The following CLCNKB variants were observed in gnomAD, a reference collection of about 807,000 sequenced individuals.
CLCNKB encodes the protein chloride voltage-gated channel Kb.
A neutral mutation model predicts 83.8 loss-of-function variants in CLCNKB; 74 were observed. The ratio of observed to expected loss-of-function variants is 0.88; its 90% confidence interval spans 0.73 to 1.07. CLCNKB has a LOEUF of 1.07. CLCNKB is among the 50% of genes least tolerant of loss of function. The pLI is 0.00. For synonymous variants in CLCNKB, 358 were observed against 356.6 expected (o/e 1.00, Z -0.04); for missense variants, 798 against 893.6 (o/e 0.89, Z 1.36).
intron 16 of CLCNKB, among the ~76,000 whole-genome samples, chr1:16,054,312 G>A (rs1444278353): frequency 1.3e-5 from 2 of 152,174 alleles, no homozygotes; most frequent in Non-Finnish European, 2.9e-5. Context: ...GCTGCTGTCA[G>A]CCCATGTGTC....
intron 1 of CLCNKB, 51 bp downstream of exon 1, chr1:16,043,931 G>C: frequency 1.3e-5 from 1 of 79,824 alleles, no homozygotes; most frequent in Non-Finnish European, 3.0e-5. Context: ...GACAGGCAGG[G>C]CGGGGGGGGG....
chr1:16,044,430 C>A, intron 1 of CLCNKB, 56 bp from the exon 2 acceptor site: 1 of 1,413,936 alleles, frequency 7.1e-7, no homozygotes, highest in Non-Finnish European at 9.8e-7. Context: ...GGCCTAGAGG[C>A]AGTGCGAGGA....
chr1:16,053,504 A>G (rs2023354699), intron 15 of CLCNKB, 135 bp from the exon 16 acceptor site: 1 of 1,302,116 alleles, frequency 7.7e-7, no homozygotes, highest in African/African-American at 1.5e-5. Flanking sequence ...CCCTCATTCC[A>G]GGAACCTCTC....
At chr1:16,051,383 C>A (rs1296889766) in intron 12 of CLCNKB, 95 bp from the exon 13 acceptor site, 20 of 1,477,668 alleles carry the variant, frequency 1.4e-5, no homozygotes, top group African/African-American at 4.2e-5. Flanking sequence ...CCCTCTTTCT[C>A]TCTAGGACAC....
At chr1:16,051,901 G>A (rs2023307899) in intron 14 of CLCNKB, 81 bp downstream of exon 14, 1 of 1,231,304 alleles carries the variant, frequency 8.1e-7, no homozygotes, top group Non-Finnish European at 1.2e-6. Context: ...GGTTCCCCAG[G>A]GCACGGAGCA....
intron 8 of CLCNKB, 136 bp downstream of exon 8, chr1:16,049,381 C>T (rs1309785248): frequency 2.4e-4 from 370 of 1,527,758 alleles, no homozygotes; most frequent in Admixed American, 6.1e-4. Context: ...GTTCCCACCT[C>T]CTTCTGGGAG....
chr1:16,054,171 G>A (rs1251145235), intron 16 of CLCNKB, among the ~76,000 whole-genome samples: 1 of 152,148 alleles, frequency 6.6e-6, no homozygotes, highest in African/African-American at 2.4e-5. Flanking sequence ...AAGCATGGTG[G>A]CTCTTGTTAA....
At chr1:16,049,753 G>A (rs2023224943) in intron 9 of CLCNKB, 51 bp downstream of exon 9, 2 of 1,611,700 alleles carry the variant, frequency 1.2e-6, no homozygotes, top group African/African-American at 1.3e-5. Flanking sequence ...TCCCCCCAAG[G>A]CCTGGACTGC....
Position 16,047,929 on chromosome 1 carries a change from C to A in CLCNKB, c.383C>A (p.Thr128Asn). The A allele has an allele frequency of 1.2e-6, 2 of 1,613,950 alleles. No individual in the cohort carries two copies. Among genetic ancestry groups the A allele is most frequent in the South Asian group, 1.1e-5 (1 of 91,076 alleles). ...SGGSGIPEVK[T>N]MLAGVVLEDY... ...GGTTCTGGAATCCCGGAGGTGAAGA[C>A]CATGTTGGCGGGTGTGGTCTTGGAG... is the stretch of plus-strand genomic sequence containing the variant. The change falls in exon 5 of 20, where the codon ACC (threonine) becomes AAC (asparagine). Residue 128 changes from threonine to asparagine, a missense_variant. Transcript: ENST00000375679.
At chr1:16,051,386 TAG>T in intron 12 of CLCNKB, 90 bp from the exon 13 acceptor site, 1 of 1,484,256 alleles carries the variant, frequency 6.7e-7, no homozygotes, top group South Asian at 1.1e-5. Context: ...TCTTTCTCTC[TAG>T]GACACTCCCC....
rs142452354 is a variant in CLCNKB, at chr1:16,048,542, G to A, written c.615G>A (p.Ala205=). The change falls in exon 7 of 20, where the codon GCG becomes GCA. Residue 205 remains alanine (A), a synonymous_variant. Transcript: ENST00000375679. Reference sequence around the variant, plus strand: ...AAAACGAAATGCTGGTGGCAGCGGCGGCAGTGGGCGTGGCCACAGTCTTTG... The same window carrying A: ...AAAACGAAATGCTGGTGGCAGCGGCAGCAGTGGGCGTGGCCACAGTCTTTG... ...SKQNEMLVAA[A]AVGVATVFAA... is the part of the protein sequence containing the mutation. The A allele has an allele frequency of 1.6e-5, 26 of 1,613,104 alleles. No homozygotes were observed. The South Asian group carries it at 2.5e-4, about 16-fold the overall frequency.
At chr1:16,048,895 C>T in intron 7 of CLCNKB, 1 of 1,446,794 alleles carries the variant, frequency 6.9e-7, no homozygotes, top group Non-Finnish European at 9.0e-7. Flanking sequence ...CGTCCCCACC[C>T]GATAGCGAGA....
At chr1:16,056,797 C>T (rs1370525874) in intron 19 of CLCNKB, 72 bp from the exon 20 acceptor site, 14 of 1,105,332 alleles carry the variant, frequency 1.3e-5, no homozygotes, top group Non-Finnish European at 1.8e-5. Context: ...TTAGGGGAAC[C>T]AAAAATGCTG....
intron 18 of CLCNKB, among the ~76,000 whole-genome samples, 181 bp from the exon 19 acceptor site, chr1:16,056,241 G>C (rs1194514817): frequency 2.6e-5 from 4 of 152,090 alleles, no homozygotes; most frequent in African/African-American, 7.2e-5. Context: ...GCCCCGCCCA[G>C]ACCCTTGCAT....
chr1:16,049,241 G>C lies in CLCNKB; in HGVS notation c.777G>C (p.Glu259Asp). Reference sequence around the variant, plus strand: ...GGCTCCTGGCGGTCTTCAACAGCGAGCAGGGTGAGCCCCCTGGGCTGCCTG... The same window carrying C: ...GGCTCCTGGCGGTCTTCAACAGCGACCAGGGTGAGCCCCCTGGGCTGCCTG... ...MFRLLAVFNS[E>D]QETITSLYKT... The change falls in exon 8 of 20, where the codon GAG becomes GAC. Residue 259 changes from glutamate (E) to aspartate (D), a missense_variant. Transcript: ENST00000375679. The C allele has an allele frequency of 6.2e-7, 1 of 1,613,766 alleles. No individual in the cohort carries two copies. The highest frequency in any genetic ancestry group is 1.1e-5 in the South Asian group (1 of 91,072).
intron 12 of CLCNKB, 66 bp from the exon 13 acceptor site, chr1:16,051,412 G>A: frequency 6.4e-7 from 1 of 1,570,374 alleles, no homozygotes. Flanking sequence ...CCCATGTCCT[G>A]TCCTCCCTTG....
At chr1:16,048,281 C>T in intron 5 of CLCNKB, 62 bp from the exon 6 acceptor site, 1 of 1,597,480 alleles carries the variant, frequency 6.3e-7, no homozygotes, top group Admixed American at 1.7e-5. Flanking sequence ...GCCGTGCTGA[C>T]TCTGGGTGAG....
intron 15 of CLCNKB, among the ~76,000 whole-genome samples, chr1:16,053,144 C>T (rs1332135009): frequency 6.6e-6 from 1 of 152,086 alleles, no homozygotes; most frequent in Non-Finnish European, 1.5e-5. Context: ...ATTCTTCTGC[C>T]TCAGCCTCCC....
chr1:16,051,927 A>G lies in CLCNKB; in HGVS notation c.1408+107A>G, dbSNP rs530582710. The stretch of plus-strand genomic sequence containing the variant: ...GCACGGAGCAGTCACTGAGTCCTCC[A>G]GTGAACCCCCTACCCCTCATGGGGG... On this transcript the variant is annotated intron_variant, in intron 14 of 19. Coordinates refer to ENST00000375679, the MANE Select transcript of CLCNKB (RefSeq NM_000085.5). 101 of 973,866 alleles carry G rather than the reference A, an allele frequency of 1.0e-4. No homozygotes were observed. The African/African-American group carries it at 1.5e-3, about 14-fold the overall frequency. The allele number at this position is 973,866 out of a possible 1,614,324, so 60.3% of individuals were successfully genotyped here.
Sources: allele counts gnomAD v4.1 joint callset (sites outside exome capture counted in the v4.1 genomes callset), GRCh38; gene constraint gnomAD v4.1.1; transcripts MANE v1.5; gene names NCBI Gene and HGNC (gene_info 2026-07-23, HGNC 2026-07-21).